The following SLC35D4 variants were observed in gnomAD, a reference collection of about 807,000 sequenced individuals.
SLC35D4 encodes the protein UDP-N-acetylglucosamine transporter SLC35D4.
chr18:23,311,396 C>T, the SLC35D4 span, among the ~76,000 whole-genome samples: 5 of 146,650 alleles, frequency 3.4e-5, no homozygotes, highest in African/African-American at 1.0e-4. Context: ...CCTGGCCCTT[C>T]TTTTTTTTTT....
chr18:23,298,991 G>A, the SLC35D4 span, among the ~76,000 whole-genome samples: 3,753 of 152,280 alleles, frequency 0.025, 50 homozygotes, highest in Middle Eastern at 0.054. Flanking sequence ...GGCTGTTCAC[G>A]CTACATACCC....
chr18:23,248,536 TTTA>T, the SLC35D4 span, among the ~76,000 whole-genome samples: 234 of 97,332 alleles, frequency 2.4e-3, 5 homozygotes, highest in East Asian at 0.03. Flanking sequence ...TTTTTTTTTT[TTTA>T]AAAAAAGGCT....
chr18:23,317,310 T>C, the SLC35D4 span, among the ~76,000 whole-genome samples: 4 of 152,232 alleles, frequency 2.6e-5, no homozygotes. Context: ...TGATTATTGC[T>C]ATGTTCCTAG....
chr18:23,433,277 C>A, the SLC35D4 span, among the ~76,000 whole-genome samples: 1 of 152,146 alleles, frequency 6.6e-6, no homozygotes, highest in African/African-American at 2.4e-5. Flanking sequence ...CTGTCTTGGT[C>A]TCTCAAAGTG....
At chr18:23,245,371 C>T in the SLC35D4 span, among the ~76,000 whole-genome samples, 25 of 152,108 alleles carry the variant, frequency 1.6e-4, no homozygotes, top group Non-Finnish European at 3.2e-4. Flanking sequence ...AATAGCCAGG[C>T]GTGGTGGCGT....
chr18:23,368,668 T>A, the SLC35D4 span: 2 of 1,138,816 alleles, frequency 1.8e-6, no homozygotes, highest in Non-Finnish European at 2.5e-6. Context: ...AAAATAAAAA[T>A]CCATTAGGAT....
chr18:23,397,099 C>A, the SLC35D4 span, among the ~76,000 whole-genome samples: 1 of 151,856 alleles, frequency 6.6e-6, no homozygotes, highest in African/African-American at 2.4e-5. Context: ...GTGTGTGGGG[C>A]GGCGGGGGGA....
chr18:23,414,502 G>C, the SLC35D4 span, among the ~76,000 whole-genome samples: 1 of 151,688 alleles, frequency 6.6e-6, no homozygotes, highest in Non-Finnish European at 1.5e-5. Flanking sequence ...GCGAAATCTC[G>C]TCTCTTCTAA....
chr18:23,282,280 G>A, the SLC35D4 span, among the ~76,000 whole-genome samples: 1 of 152,130 alleles, frequency 6.6e-6, no homozygotes, highest in South Asian at 2.1e-4. Flanking sequence ...TGCTGCCAAG[G>A]AAGTTGGGTG....
the SLC35D4 span, among the ~76,000 whole-genome samples, chr18:23,274,240 A>T: frequency 6.6e-6 from 1 of 152,214 alleles, no homozygotes; most frequent in East Asian, 1.9e-4. Flanking sequence ...CCAGCCCTAC[A>T]TTTCCATTGT....
the SLC35D4 span, among the ~76,000 whole-genome samples, chr18:23,382,693 T>G: frequency 6.6e-6 from 1 of 152,122 alleles, no homozygotes; most frequent in Non-Finnish European, 1.5e-5. Flanking sequence ...ACGATGGTGT[T>G]GTAAGTAAAA....
At chr18:23,334,994 G>A in the SLC35D4 span, among the ~76,000 whole-genome samples, 2 of 151,610 alleles carry the variant, frequency 1.3e-5, no homozygotes, top group Admixed American at 6.6e-5. Context: ...GACAGAGCGA[G>A]ACTCTGTCTC....
At chr18:23,405,601 AT>A in the SLC35D4 span, among the ~76,000 whole-genome samples, 4 of 152,198 alleles carry the variant, frequency 2.6e-5, no homozygotes, top group African/African-American at 9.7e-5. Context: ...TTATATTCCA[AT>A]ATTCTAGTCA....
chr18:23,330,395 AAG>A, the SLC35D4 span, among the ~76,000 whole-genome samples: 1 of 152,188 alleles, frequency 6.6e-6, no homozygotes, highest in Non-Finnish European at 1.5e-5. Context: ...TTTTTAAATG[AAG>A]ATAGTGGACT....
At chr18:23,318,019 C>T in the SLC35D4 span, among the ~76,000 whole-genome samples, 3 of 152,046 alleles carry the variant, frequency 2.0e-5, no homozygotes, top group South Asian at 2.1e-4. Flanking sequence ...ATTACAGGTG[C>T]GAGCCACTGT....
the SLC35D4 span, among the ~76,000 whole-genome samples, chr18:23,335,511 T>C: frequency 6.6e-6 from 1 of 152,174 alleles, no homozygotes; most frequent in East Asian, 1.9e-4. Flanking sequence ...AACTTAGTTT[T>C]AGGGATACAC....
At chr18:23,356,482 A>G in the SLC35D4 span, 1 of 1,094,998 alleles carries the variant, frequency 9.1e-7, no homozygotes. The surrounding 1 kb of genome is among the most constrained non-coding windows in gnomAD (Gnocchi z 4.1). Context: ...TGCATCCACC[A>G]CCACTCTCTC....
chr18:23,418,383 A>ATTT, the SLC35D4 span, among the ~76,000 whole-genome samples: 41 of 146,428 alleles, frequency 2.8e-4, no homozygotes, highest in Non-Finnish European at 5.2e-4. Context: ...TATTATTATT[A>ATTT]TTTTTTGAGA....
the SLC35D4 span, among the ~76,000 whole-genome samples, chr18:23,371,923 C>CTTATTTGTCTTTT: frequency 9.0e-6 from 1 of 111,550 alleles, no homozygotes; most frequent in Non-Finnish European, 1.7e-5. Flanking sequence ...TTATTTCTTC[C>CTTATTTGTCTTTT]TTGTTTTTTT....
Sources: allele counts gnomAD v4.1 joint callset (sites outside exome capture counted in the v4.1 genomes callset), GRCh38; gene constraint gnomAD v4.1.1; non-coding constraint Gnocchi (gnomAD v3.1); transcripts MANE v1.5; gene names NCBI Gene and HGNC (gene_info 2026-07-23, HGNC 2026-07-21).